SLC22A17: variants seen among roughly 807,000 people sequenced by gnomAD.
SLC22A17 encodes 24p3 receptor.
Under a neutral mutation model 53.6 loss-of-function variants are expected in SLC22A17, and 38 were observed. The ratio of observed to expected loss-of-function variants is 0.71; its 90% CI spans 0.55 to 0.93. The LOEUF (loss-of-function observed/expected upper bound fraction) is 0.93. SLC22A17 is among the 40% of genes least tolerant of loss of function. The pLI, the probability that SLC22A17 is intolerant of heterozygous loss-of-function variation, is 0.00. For missense variants in SLC22A17, 704 were observed against 791.0 expected, an observed-to-expected ratio of 0.89 and a Z score of 1.32; for synonymous variants, 379 against 353.0, an observed-to-expected ratio of 1.07 and a Z score of -0.82.
rs1017595006 is a variant in SLC22A17 at position 23,349,352 on chromosome 14, C to G, written c.779G>C (p.Gly260Ala). The G allele has an allele frequency of 6.2e-7, 1 of 1,613,962 alleles. No homozygotes were observed. The highest frequency in any genetic ancestry group is 8.5e-7 in the Non-Finnish European group (1 of 1,179,924). ...GAGGGCCATGACGCCTGTGGAGGAGCCTGCAGCAGCCCCTCCTACTCCACA... is the reference window on the plus strand; with the variant it reads ...GAGGGCCATGACGCCTGTGGAGGAGGCTGCAGCAGCCCCTCCTACTCCACA... The change falls in exon 4 of 10, where the codon GGC becomes GCC. Residue 260 changes from glycine to alanine, a missense_variant. Gly to Ala is a moderately conservative substitution (Grantham distance 60). Transcript: ENST00000397267.
intron 9 of SLC22A17, 62 bp from the exon 10 acceptor site, chr14:23,346,998 C>T: frequency 1.3e-6 from 2 of 1,496,162 alleles, no homozygotes; most frequent in South Asian, 2.6e-5. Context: ...CCTTCTCCCG[C>T]AGCCCCCCTC....
chr14:23,352,751 C>T lies in SLC22A17; in HGVS notation c.-10G>A, dbSNP rs1330171781. 1 of 398,988 alleles carries T rather than the reference C, an allele frequency of 2.5e-6. No homozygotes were observed. The highest frequency in any genetic ancestry group is 4.4e-6 in the Non-Finnish European group (1 of 226,374). 24.7% of individuals were successfully genotyped at this position (398,988 alleles called of 1,614,324 possible). A position where few individuals can be genotyped will look rare whatever the true frequency, so the allele number is the denominator to read the frequency against. On this transcript the variant is annotated 5_prime_UTR_variant, in exon 1 of 10. Coordinates refer to ENST00000397267, the Ensembl canonical transcript of SLC22A17. This position sits in a 1 kb window ranked among gnomAD's most constrained non-coding sequence, Gnocchi z 7.2. The stretch of plus-strand genomic sequence containing the variant: ...CCACCCGGGGAGCCAGCTTGCCGAC[C>T]GCAGGGGCCCTGCCGGCCCGCGCCG...
Position 23,348,765 on chromosome 14 carries a change from A to G in SLC22A17, c.860-94T>C. 1 of 1,343,038 alleles carries G rather than the reference A, an allele frequency of 7.4e-7. No homozygotes were observed. Among genetic ancestry groups the G allele is most frequent in the Non-Finnish European group, 1.0e-6 (1 of 1,000,470 alleles). 83.2% of individuals were successfully genotyped at this position (1,343,038 alleles called of 1,614,324 possible). A position where few individuals can be genotyped will look rare whatever the true frequency, so the allele number is the denominator to read the frequency against. ...GAAAGAGGGAGGGAGGAGGACAGAG[A>G]GAGAGGTCAGACCCAGAGTGGAGGC... On this transcript the variant is annotated intron_variant, in intron 4 of 9. Transcript: ENST00000397267. This position sits in a 1 kb window ranked among gnomAD's most constrained non-coding sequence, Gnocchi z 4.5.
In SLC22A17 at chr14:23,350,513, A is replaced by C. The variant is rs77012496; in HGVS notation, c.705-1087T>G. Among the ~76,000 whole-genome samples the C allele has an allele frequency of 5.8e-3, 886 of 152,240 alleles. 13 individuals are homozygous for C. The highest frequency in any genetic ancestry group is 0.02 in the African/African-American group (833 of 41,542). ...TCACTAACTATGAGTTAGTGAAGAC[A>C]TGGTTACTGATTCTTGGAGGCTGGG... On this transcript the variant is annotated intron_variant, in intron 3 of 9. Coordinates refer to ENST00000397267, the Ensembl canonical transcript of SLC22A17.
In SLC22A17 at chr14:23,348,502, T is replaced by A. The variant is rs1449395427; in HGVS notation, c.1025+4A>T. On this transcript the variant is annotated splice_donor_region_variant and intron_variant, in intron 5 of 9. Transcript: ENST00000397267. The surrounding 1 kb of genome is among the most constrained non-coding windows in gnomAD (Gnocchi z 4.5). Reference sequence around the variant, plus strand: ...CCAGACGACAGGTGAAGGGTAATACTGACCCATAAAACAGGAAGAGGATGC... The same window carrying A: ...CCAGACGACAGGTGAAGGGTAATACAGACCCATAAAACAGGAAGAGGATGC... The A allele has an allele frequency of 1.2e-6, 2 of 1,613,272 alleles. No homozygotes were observed. Among genetic ancestry groups the A allele is most frequent in the Admixed American group, 3.3e-5 (2 of 59,968 alleles).
chr14:23,346,938 TG>T lies in SLC22A17; in HGVS notation c.1662-3del, dbSNP rs771466763. The T allele has an allele frequency of 3.9e-6, 6 of 1,530,174 alleles. No homozygotes were observed. The highest frequency in any genetic ancestry group is 3.6e-5 in the South Asian group (3 of 83,460). 94.8% of individuals were successfully genotyped at this position (1,530,174 alleles called of 1,614,324 possible). ...ATGATCAGGCCCAGGCCACGGCCCC[TG>T]GGGGGAGACAGAGGAGGAGCTCAGC... On this transcript the variant is annotated splice_polypyrimidine_tract_variant and splice_region_variant and intron_variant, in intron 9 of 9. Coordinates refer to ENST00000397267, the Ensembl canonical transcript of SLC22A17.
Position 23,347,896 on chromosome 14 carries a change from G to A in SLC22A17, c.1272C>T (p.Phe424=). The change falls in exon 7 of 10, where the codon TTC becomes TTT. Residue 424 remains phenylalanine, a synonymous_variant. Coordinates refer to ENST00000397267, the Ensembl canonical transcript of SLC22A17. The surrounding 1 kb of genome is among the most constrained non-coding windows in gnomAD (Gnocchi z 5.1). Reference sequence around the variant, plus strand: ...GCCCAGACACCCAGGCTCACTTGGTGAAGCCCAGGATAAGCAGATTTTTCC... The same window carrying A: ...GCCCAGACACCCAGGCTCACTTGGTAAAGCCCAGGATAAGCAGATTTTTCC... 6.2e-7 allele frequency: 1 copy of A among 1,614,166 alleles called. No homozygotes were observed. The highest frequency in any genetic ancestry group is 8.5e-7 in the Non-Finnish European group (1 of 1,179,996).
chr14:23,351,464 C>T (rs1213023716), intron 3 of SLC22A17: 2 of 376,680 alleles, frequency 5.3e-6, no homozygotes, highest in African/African-American at 4.3e-5. Flanking sequence ...TGAGACTATT[C>T]TCTTTGGAGA....
chr14:23,346,681 G>A lies in SLC22A17; in HGVS notation c.1917C>T (p.Val639=), dbSNP rs17794321. Residue 639 remains valine, a synonymous_variant, in exon 10 of 10, where the codon GTC becomes GTT. Coordinates refer to ENST00000397267, the Ensembl canonical transcript of SLC22A17. ...CAGGGTTGGGGGTGGCAAGCAGCGG[G>A]ACGTGGTCACAGCGGGTAGGGGGTG... 1,696 of 1,524,292 alleles carry A rather than the reference G, an allele frequency of 1.1e-3. 4 individuals are homozygous for A. The highest frequency in any genetic ancestry group is 6.2e-3 in the Middle Eastern group (33 of 5,312). The allele number at this position is 1,524,292 out of a possible 1,614,324, so 94.4% of individuals were successfully genotyped here. A position where few individuals can be genotyped will look rare whatever the true frequency, so the allele number is the denominator to read the frequency against.
Position 23,347,724 on chromosome 14 carries a change from C to T in SLC22A17, c.1285G>A (p.Ala429Thr). 6.2e-7 allele frequency: 1 copy of T among 1,613,488 alleles called. No homozygotes were observed. The highest frequency in any genetic ancestry group is 1.3e-5 in the African/African-American group (1 of 75,014). The change falls in exon 8 of 10, where the codon GCC becomes ACC. Residue 429 changes from alanine to threonine, a missense_variant. Physicochemically the swap from Ala to Thr is moderately conservative, Grantham distance 58 (BLOSUM62 0). This residue lies in a region of SLC22A17 where 435 missense variants were observed against 529.0 expected (regional missense o/e 0.82). Coordinates refer to ENST00000397267, the Ensembl canonical transcript of SLC22A17. The surrounding 1 kb of genome is among the most constrained non-coding windows in gnomAD (Gnocchi z 5.1). ...TGGTAGCAGTGGCGAATGGCATGGG[C>T]AATGAAGCTGTGAGAAGGGGTGGGG...
In SLC22A17 at chr14:23,351,807, G is replaced by A. The variant is rs986296633; in HGVS notation, c.649C>T (p.Leu217Phe). 2 of 1,613,818 alleles carry A rather than the reference G, an allele frequency of 1.2e-6. No homozygotes were observed. Among genetic ancestry groups the A allele is most frequent in the African/African-American group, 1.3e-5 (1 of 75,018 alleles). Residue 217 changes from leucine (L) to phenylalanine (F), a missense_variant, in exon 3 of 10, where the codon CTC becomes TTC. Leu to Phe is a conservative substitution (Grantham distance 22, BLOSUM62 0). Around this residue, in one of 4 missense-constraint regions of SLC22A17, gnomAD observed 435 missense variants for 529.0 expected, o/e 0.82. Transcript: ENST00000397267. ...CCGGAGGCAAAGCCCAAGATGAAGAGGATCTGCTCCAGGATCACCTGCCAG... is the reference window on the plus strand; with the variant it reads ...CCGGAGGCAAAGCCCAAGATGAAGAAGATCTGCTCCAGGATCACCTGCCAG...
At chr14:23,351,852 C>T in exon 3 of SLC22A17, 1 of 1,613,270 alleles carries the variant, frequency 6.2e-7, no homozygotes, top group Non-Finnish European at 8.5e-7. Context: ...CACACCAGAT[C>T]CCACTGGGGA....
intron 3 of SLC22A17, 85 bp downstream of exon 3, chr14:23,351,667 G>T: frequency 2.6e-6 from 3 of 1,159,146 alleles, no homozygotes; most frequent in South Asian, 1.4e-5. Flanking sequence ...AATCGTCTTC[G>T]ACCTCCTGTA....
rs1206582383 is a variant in SLC22A17, at chr14:23,352,824, A to G, written c.-83T>C. ...TCAGTTGCGCGCCGGCTGCCCGGAC[A>G]CAGACAGCTCGAAGAGATCCCGCTC... is the stretch of plus-strand genomic sequence containing the variant. On this transcript the variant is annotated 5_prime_UTR_variant, in exon 1 of 10. Coordinates refer to ENST00000397267, the Ensembl canonical transcript of SLC22A17. This position sits in a 1 kb window ranked among gnomAD's most constrained non-coding sequence, Gnocchi z 7.2. 2 of 398,220 alleles carry G rather than the reference A, an allele frequency of 5.0e-6. No homozygotes were observed. Among genetic ancestry groups the G allele is most frequent in the Non-Finnish European group, 8.9e-6 (2 of 225,616 alleles). The allele number at this position is 398,220 out of a possible 1,614,324, so 24.7% of individuals were successfully genotyped here.
chr14:23,346,929 C>A (rs1394546734), exon 10 of SLC22A17: 2 of 1,534,050 alleles, frequency 1.3e-6, no homozygotes, highest in African/African-American at 2.7e-5. Flanking sequence ...AGGCCCAGGC[C>A]ACGGCCCCTG....
Position 23,347,116 on chromosome 14 carries a change from A to G in SLC22A17, c.1646T>C (p.Ile549Thr). ...CTGCTCTCACCGGACAGTGGTGGGG[A>G]TGACCTCAGCAGCAAGGAGGGTGCT... The change falls in exon 9 of 10, where the codon ATC becomes ACC. Residue 549 changes from isoleucine (I) to threonine (T), a missense_variant. Around this residue, in one of 4 missense-constraint regions of SLC22A17, gnomAD observed 196 missense variants for 171.5 expected, o/e 1.14. Transcript: ENST00000397267. This position sits in a 1 kb window ranked among gnomAD's most constrained non-coding sequence, Gnocchi z 5.1. 1 of 1,613,286 alleles carries G rather than the reference A, an allele frequency of 6.2e-7. No homozygotes were observed. Among genetic ancestry groups the G allele is most frequent in the Non-Finnish European group, 8.5e-7 (1 of 1,179,778 alleles).
chr14:23,348,801 G>A lies in SLC22A17; in HGVS notation c.860-130C>T. The A allele has an allele frequency of 1.0e-6, 1 of 970,748 alleles. No individual in the cohort carries two copies. Among genetic ancestry groups the A allele is most frequent in the Non-Finnish European group, 1.5e-6 (1 of 673,678 alleles). The allele number at this position is 970,748 out of a possible 1,614,324, so 60.1% of individuals were successfully genotyped here. A position where few individuals can be genotyped will look rare whatever the true frequency, so the allele number is the denominator to read the frequency against. ...ACCCAGAGTGGAGGCTGCAGCCATT[G>A]CCTCCCTTGCTAACCTCTGGGTGGC... On this transcript the variant is annotated intron_variant, in intron 4 of 9. Transcript: ENST00000397267. This position sits in a 1 kb window ranked among gnomAD's most constrained non-coding sequence, Gnocchi z 4.5.
chr14:23,348,639 GA>G lies in SLC22A17; in HGVS notation c.891del (p.Arg298GlyfsTer33). Reference sequence around the variant, plus strand: ...ACCAACTCCCCTGCCAGGGCCACCCGAAGCCTCTGGGTTGGGTCGCACAGCT... The same window carrying G: ...ACCAACTCCCCTGCCAGGGCCACCCGAGCCTCTGGGTTGGGTCGCACAGCT... On this transcript the variant is annotated frameshift_variant, in exon 5 of 10. Coordinates refer to ENST00000397267, the Ensembl canonical transcript of SLC22A17. LOFTEE classifies it high-confidence loss of function. The surrounding 1 kb of genome is among the most constrained non-coding windows in gnomAD (Gnocchi z 4.5). 1.2e-6 allele frequency: 2 copies of G among 1,613,028 alleles called. No individual in the cohort carries two copies. Among genetic ancestry groups the G allele is most frequent in the Non-Finnish European group, 1.7e-6 (2 of 1,179,486 alleles).
At position 23,347,864 on chromosome 14, in the gene SLC22A17, G is replaced by A; in HGVS notation, c.1277+27C>T. 1 of 1,613,238 alleles carries A rather than the reference G, an allele frequency of 6.2e-7. No individual in the cohort carries two copies. Among genetic ancestry groups the A allele is most frequent in the Non-Finnish European group, 8.5e-7 (1 of 1,179,244 alleles). On this transcript the variant is annotated intron_variant, in intron 7 of 9. Transcript: ENST00000397267. This position sits in a 1 kb window ranked among gnomAD's most constrained non-coding sequence, Gnocchi z 5.1. ...AGCCCCCATTCCAGCTACTGGCCTG[G>A]CCCTCAGCCCAGACACCCAGGCTCA...
Sources: gnomAD v4.1 joint callset for allele counts (sites outside exome capture counted in the v4.1 genomes callset) on GRCh38, gnomAD v4.1.1 for gene constraint, gnomAD v4.1.1 regional missense constraint, Gnocchi (gnomAD v3.1) non-coding constraint, MANE v1.5 for transcripts, NCBI Gene and HGNC (gene_info 2026-07-23, HGNC 2026-07-21) for gene names.